PACS1: variants seen among roughly 807,000 people sequenced by gnomAD.
PACS1 encodes phosphofurin acidic cluster sorting protein 1, also known as PACS-1.
Under a neutral mutation model 115.0 loss-of-function variants are expected in PACS1, and 24 were observed. The observed-to-expected ratio is 0.21, with a 90% CI of 0.15 to 0.29. The LOEUF (loss-of-function observed/expected upper bound fraction) is 0.29. PACS1 is among the 10% of genes least tolerant of loss of function. The pLI is 1.00. For missense variants in PACS1, 838 were observed against 1,251.2 expected, an observed-to-expected ratio of 0.67 and a Z score of 4.98; for synonymous variants, 453 against 504.5, an observed-to-expected ratio of 0.90 and a Z score of 1.37.
intron 1 of PACS1, among the ~76,000 whole-genome samples, chr11:66,184,987 G>T (rs183490733): frequency 6.6e-6 from 1 of 152,244 alleles, no homozygotes; most frequent in Non-Finnish European, 1.5e-5. Flanking sequence ...AAGAGAAATG[G>T]CTTGAGGTGC....
chr11:66,174,219 C>G (rs1040412673), intron 1 of PACS1, among the ~76,000 whole-genome samples: 3 of 151,972 alleles, frequency 2.0e-5, no homozygotes, highest in African/African-American at 7.3e-5. Flanking sequence ...AATCAAAAAA[C>G]CGTAATAAGA....
chr11:66,184,312 C>CAA (rs11309195), intron 1 of PACS1, among the ~76,000 whole-genome samples: 27 of 56,048 alleles, frequency 4.8e-4, no homozygotes, highest in African/African-American at 1.9e-3. Flanking sequence ...GACCCTGTCT[C>CAA]AAAAAAAAAA....
chr11:66,120,738 C>G (rs1489119634), intron 1 of PACS1, among the ~76,000 whole-genome samples: 1 of 152,152 alleles, frequency 6.6e-6, no homozygotes, highest in Non-Finnish European at 1.5e-5. Flanking sequence ...ATGAAATTAC[C>G]CATGTGAAAT....
chr11:66,188,139 T>C (rs535855421), intron 1 of PACS1, among the ~76,000 whole-genome samples: 1 of 151,738 alleles, frequency 6.6e-6, no homozygotes, highest in African/African-American at 2.4e-5. Context: ...TTCAGATCGT[T>C]TGGCGATTTT....
chr11:66,201,795 G>A (rs775666069), intron 2 of PACS1, among the ~76,000 whole-genome samples: 3 of 151,928 alleles, frequency 2.0e-5, no homozygotes, highest in Non-Finnish European at 4.4e-5. Flanking sequence ...GAGTAGTTGG[G>A]ATTACAGGCG....
At chr11:66,118,881 AG>A (rs199606964) in intron 1 of PACS1, among the ~76,000 whole-genome samples, 2,827 of 152,072 alleles carry the variant, frequency 0.019, 29 homozygotes, top group Middle Eastern at 0.045. Context: ...CATCTGTGTC[AG>A]CTAGGAATAC....
chr11:66,235,666 G>T lies in PACS1; in HGVS notation c.2208-232G>T. The T allele has an allele frequency of 3.3e-6, 2 of 611,780 alleles. No homozygotes were observed. The highest frequency in any genetic ancestry group is 5.5e-5 in the East Asian group (2 of 36,322). 37.9% of individuals were successfully genotyped at this position (611,780 alleles called of 1,614,324 possible). A position where few individuals can be genotyped will look rare whatever the true frequency, so the allele number is the denominator to read the frequency against. Reference sequence around the variant, plus strand: ...CCATCCTCATAGCTGGAACTCAGACGTGGGAAGCAGGGAGCGTAGCTTGCA... The same window carrying T: ...CCATCCTCATAGCTGGAACTCAGACTTGGGAAGCAGGGAGCGTAGCTTGCA... On this transcript the variant is annotated intron_variant, in intron 18 of 23. Transcript: ENST00000320580. The surrounding 1 kb of genome is among the most constrained non-coding windows in gnomAD (Gnocchi z 5.6).
rs1855575514 is a variant in PACS1, at chr11:66,230,812, G to T, written c.1498G>T (p.Glu500Ter). Residue 500 changes from glutamate (E) to a stop codon, truncating the protein, a stop_gained, in exon 13 of 24, where the codon GAG becomes TAG. Coordinates refer to ENST00000320580, the MANE Select transcript of PACS1 (RefSeq NM_018026.4). LOFTEE classifies it high-confidence loss of function. ...TTTCCACCTCCCTGGCAGCAAAGTG[G>T]AGGGGGTGCACACACCCCGGCAGAA... ...LQGSASPSKV[E>*]GVHTPRQKRS... 1 of 1,614,052 alleles carries T rather than the reference G, an allele frequency of 6.2e-7. No homozygotes were observed. Among genetic ancestry groups the T allele is most frequent in the African/African-American group, 1.3e-5 (1 of 74,926 alleles).
intron 1 of PACS1, among the ~76,000 whole-genome samples, chr11:66,141,903 T>C (rs1473306152): frequency 6.6e-6 from 1 of 152,008 alleles, no homozygotes. Context: ...TCTCCCGGGT[T>C]CAAGCGATTC....
chr11:66,088,582 G>T (rs377693777), intron 1 of PACS1, among the ~76,000 whole-genome samples: 1 of 152,102 alleles, frequency 6.6e-6, no homozygotes, highest in East Asian at 1.9e-4. Flanking sequence ...CTAATTTTAG[G>T]CTTTCTGTTC....
At chr11:66,139,335 A>G (rs1025127557) in intron 1 of PACS1, among the ~76,000 whole-genome samples, 1 of 152,174 alleles carries the variant, frequency 6.6e-6, no homozygotes, top group African/African-American at 2.4e-5. Context: ...GTTACAGACA[A>G]TCCAGTTATA....
intron 7 of PACS1, chr11:66,218,193 T>G (rs954350151): frequency 1.4e-4 from 22 of 152,300 alleles, no homozygotes; most frequent in African/African-American, 5.1e-4. Flanking sequence ...TGAATGCCCT[T>G]TCTGCCCTTT....
chr11:66,164,347 A>T (rs986892306), intron 1 of PACS1, among the ~76,000 whole-genome samples: 10 of 151,868 alleles, frequency 6.6e-5, no homozygotes, highest in African/African-American at 2.4e-4. Flanking sequence ...CCCTGGGGTA[A>T]TGATATGGTA....
intron 1 of PACS1, among the ~76,000 whole-genome samples, chr11:66,125,908 C>T (rs944175813): frequency 2.0e-4 from 31 of 152,082 alleles, no homozygotes; most frequent in African/African-American, 5.5e-4. Context: ...TGCATGGCGG[C>T]GCATGCCTGT....
Position 66,098,296 on chromosome 11 carries a change from C to T in PACS1, c.356+27454C>T, listed in dbSNP as rs1361129084. ...CTTTATCAGATGTGTGTGTGTGTGT[C>T]TCTGCATGAATGTGTGTTGTATGTT... On this transcript the variant is annotated intron_variant, in intron 1 of 23. Transcript: ENST00000320580. 2.0e-5 allele frequency among the ~76,000 whole-genome samples: 3 copies of T among 151,918 alleles called. No individual in the cohort carries two copies. In the East Asian group the frequency reaches 5.8e-4, roughly 29 times the overall value.
In PACS1 at chr11:66,235,466, T is replaced by G. The variant is rs1855688093; in HGVS notation, c.2207+63T>G. Reference sequence around the variant, plus strand: ...GGGTGGGTTAGAGGAATCTTGAGTCTTCCTTGCTTTCTCACATTTTCCTTC... The same window carrying G: ...GGGTGGGTTAGAGGAATCTTGAGTCGTCCTTGCTTTCTCACATTTTCCTTC... On this transcript the variant is annotated intron_variant, in intron 18 of 23. Transcript: ENST00000320580. This position sits in a 1 kb window ranked among gnomAD's most constrained non-coding sequence, Gnocchi z 5.6. The G allele has an allele frequency of 3.5e-6, 4 of 1,143,900 alleles. No individual in the cohort carries two copies. In the South Asian group the frequency reaches 5.1e-5, roughly 15 times the overall value. The allele number at this position is 1,143,900 out of a possible 1,614,324, so 70.9% of individuals were successfully genotyped here.
At chr11:66,142,725 G>T (rs766171999) in intron 1 of PACS1, among the ~76,000 whole-genome samples, 1 of 151,624 alleles carries the variant, frequency 6.6e-6, no homozygotes, top group Non-Finnish European at 1.5e-5. Flanking sequence ...GAAAAAGAAG[G>T]TTTGTGACCA....
At chr11:66,111,692 C>G (rs540109222) in intron 1 of PACS1, among the ~76,000 whole-genome samples, 1 of 152,306 alleles carries the variant, frequency 6.6e-6, no homozygotes, top group South Asian at 2.1e-4. Context: ...TCACTCTGCT[C>G]AGGCTGGAGT....
intron 1 of PACS1, among the ~76,000 whole-genome samples, chr11:66,105,019 T>C (rs1168005650): frequency 6.6e-6 from 1 of 152,190 alleles, no homozygotes; most frequent in African/African-American, 2.4e-5. Context: ...GGAACAAGGA[T>C]GATATATTTG....
Sources: allele counts gnomAD v4.1 joint callset (sites outside exome capture counted in the v4.1 genomes callset), GRCh38; gene constraint gnomAD v4.1.1; non-coding constraint Gnocchi (gnomAD v3.1); transcripts MANE v1.5; gene names NCBI Gene and HGNC (gene_info 2026-07-23, HGNC 2026-07-21).